CLEC16A: variants seen among roughly 807,000 people sequenced by gnomAD.
CLEC16A encodes the protein C-type lectin domain containing 16A, also known as protein CLEC16A.
CLEC16A carries 51 observed loss-of-function variants against 109.5 expected under a neutral mutation model. That is an observed-to-expected ratio of 0.47 (90% CI 0.37 to 0.59). The LOEUF is 0.59. Among genes scored for constraint, CLEC16A ranks in the 20% least tolerant of loss-of-function variants. The pLI is 0.00. For missense variants in CLEC16A, 1,339 were observed against 1,394.0 expected, an observed-to-expected ratio of 0.96 and a Z score of 0.63; for synonymous variants, 673 against 564.2, an observed-to-expected ratio of 1.19 and a Z score of -2.73.
chr16:11,121,206 C>T (rs187235830), intron 20 of CLEC16A, among the ~76,000 whole-genome samples: 2 of 152,198 alleles, frequency 1.3e-5, no homozygotes, highest in African/African-American at 4.8e-5. Flanking sequence ...GGAGAGCCAG[C>T]CACATTAGTA....
chr16:11,018,045 C>A (rs899580437), intron 11 of CLEC16A, among the ~76,000 whole-genome samples: 2 of 149,848 alleles, frequency 1.3e-5, no homozygotes, highest in Non-Finnish European at 3.0e-5. Context: ...TGGTGGCTCA[C>A]GCCTATAATC....
At chr16:11,171,312 C>T (rs950752837) in intron 23 of CLEC16A, among the ~76,000 whole-genome samples, 1 of 152,218 alleles carries the variant, frequency 6.6e-6, no homozygotes, top group African/African-American at 2.4e-5. Flanking sequence ...CCTTCGCACG[C>T]CAGAGGCAGA....
At chr16:11,087,655 A>C (rs1264766513) in intron 19 of CLEC16A, among the ~76,000 whole-genome samples, 1 of 152,220 alleles carries the variant, frequency 6.6e-6, no homozygotes. Context: ...CTGCCTCACC[A>C]ACACTTCTTC....
chr16:11,086,284 C>T (rs1331371567), intron 19 of CLEC16A, among the ~76,000 whole-genome samples: 1 of 152,194 alleles, frequency 6.6e-6, no homozygotes, highest in African/African-American at 2.4e-5. Flanking sequence ...GGCCACCCCA[C>T]CTGGCTCAAG....
intron 17 of CLEC16A, among the ~76,000 whole-genome samples, chr16:11,051,081 G>A (rs946188960): frequency 2.0e-5 from 3 of 152,170 alleles, no homozygotes; most frequent in Non-Finnish European, 2.9e-5. Context: ...ATCAGCTCTC[G>A]TTAAACGGAA....
At chr16:11,096,867 A>T (rs1234605474) in intron 19 of CLEC16A, among the ~76,000 whole-genome samples, 1 of 152,228 alleles carries the variant, frequency 6.6e-6, no homozygotes, top group Admixed American at 6.5e-5. Flanking sequence ...TATAAATTTC[A>T]ATACAAAGGG....
At chr16:11,061,909 G>C (rs1306353098) in intron 19 of CLEC16A, among the ~76,000 whole-genome samples, 1 of 152,186 alleles carries the variant, frequency 6.6e-6, no homozygotes, top group Non-Finnish European at 1.5e-5. Flanking sequence ...CCTCAGGAGG[G>C]CTCTCACCAG....
At chr16:10,986,121 C>T (rs941946226) in intron 10 of CLEC16A, among the ~76,000 whole-genome samples, 1 of 146,534 alleles carries the variant, frequency 6.8e-6, no homozygotes, top group Non-Finnish European at 1.5e-5. Context: ...AGCTCTGCCT[C>T]CCGGGTTCAC....
At position 11,020,201 on chromosome 16, in the gene CLEC16A, A is replaced by G. The variant is rs752711166; in HGVS notation, c.1312A>G (p.Met438Val). ...TCCATTTTGGCTTCCAGAGATCGAG[A>G]TGGTGATCATGGAGCGTAGCAAGCT... ...KTSGESEEIE[M>V]VIMERSKLSE... The change falls in exon 12 of 24, where the codon ATG becomes GTG. Residue 438 changes from methionine to valine, a missense_variant. By Grantham distance (21) the Met-to-Val change is conservative. Transcript: ENST00000409790. The G allele has an allele frequency of 6.2e-7, 1 of 1,611,052 alleles. No homozygotes were observed. The highest frequency in any genetic ancestry group is 2.2e-5 in the East Asian group (1 of 44,750).
intron 19 of CLEC16A, among the ~76,000 whole-genome samples, chr16:11,072,416 G>T (rs1362571467): frequency 6.6e-6 from 1 of 152,164 alleles, no homozygotes; most frequent in African/African-American, 2.4e-5. Flanking sequence ...ACCACAGCTG[G>T]CCTATTCTAT....
At chr16:10,973,585 T>C (rs1005032381) in intron 7 of CLEC16A, among the ~76,000 whole-genome samples, 5 of 152,062 alleles carry the variant, frequency 3.3e-5, no homozygotes, top group African/African-American at 2.4e-5. Flanking sequence ...TTTTTCTTTT[T>C]TGAGACAGAG....
chr16:11,169,569 G>T (rs2068419282), intron 23 of CLEC16A, among the ~76,000 whole-genome samples: 1 of 152,218 alleles, frequency 6.6e-6, no homozygotes, highest in Admixed American at 6.5e-5. Context: ...TTACAGGCAT[G>T]AGCCATCACG....
chr16:11,144,230 G>A (rs2053959971), intron 22 of CLEC16A, among the ~76,000 whole-genome samples: 2 of 152,216 alleles, frequency 1.3e-5, no homozygotes, highest in African/African-American at 4.8e-5. Context: ...TCCCAGGAGA[G>A]CAAGGAGCTG....
chr16:11,162,062 CT>C (rs1436977983), intron 22 of CLEC16A, among the ~76,000 whole-genome samples: 1 of 152,250 alleles, frequency 6.6e-6, no homozygotes, highest in Non-Finnish European at 1.5e-5. Flanking sequence ...CCCAGCTTTC[CT>C]TCTGTCAGTG....
intron 11 of CLEC16A, among the ~76,000 whole-genome samples, chr16:11,016,242 A>G (rs1181214559): frequency 6.6e-6 from 1 of 152,156 alleles, no homozygotes; most frequent in African/African-American, 2.4e-5. Context: ...GTTGGAGGAC[A>G]CTAGGTGCCT....
chr16:11,064,315 TG>T (rs2152912523), intron 19 of CLEC16A, among the ~76,000 whole-genome samples: 1 of 152,370 alleles, frequency 6.6e-6, no homozygotes, highest in East Asian at 1.9e-4. Flanking sequence ...TGCTTTGGAA[TG>T]GAGGCCAGGG....
chr16:11,106,807 C>G (rs559231308), intron 19 of CLEC16A, among the ~76,000 whole-genome samples: 8 of 152,274 alleles, frequency 5.3e-5, no homozygotes, highest in African/African-American at 1.7e-4. Flanking sequence ...TTTTATTACC[C>G]CCCGCCTATA....
At chr16:10,999,376 T>C (rs1170877195) in intron 10 of CLEC16A, among the ~76,000 whole-genome samples, 1 of 152,230 alleles carries the variant, frequency 6.6e-6, no homozygotes, top group African/African-American at 2.4e-5. Flanking sequence ...AATACATTCT[T>C]AGGCATCTTT....
At position 10,971,113 on chromosome 16, in the gene CLEC16A, C is replaced by A; in HGVS notation, c.493-12C>A. 1.9e-6 allele frequency: 3 copies of A among 1,581,258 alleles called. No individual in the cohort carries two copies. Among genetic ancestry groups the A allele is most frequent in the South Asian group, 1.1e-5 (1 of 89,654 alleles). On this transcript the variant is annotated splice_polypyrimidine_tract_variant and intron_variant, in intron 4 of 23. Transcript: ENST00000409790. ...GGCTTATAATTTGTTTTCGTTATTT[C>A]TTTTGTTTTAGCACACCAATGACTT...
Sources: allele counts gnomAD v4.1 joint callset (sites outside exome capture counted in the v4.1 genomes callset), GRCh38; gene constraint gnomAD v4.1.1; transcripts MANE v1.5; gene names NCBI Gene and HGNC (gene_info 2026-07-23, HGNC 2026-07-21).